The following PHACTR4 variants were observed in gnomAD, a reference collection of about 807,000 sequenced individuals.
PHACTR4 encodes phosphatase and actin regulator 4, also known as protein phosphatase 1, regulatory subunit 124.
Under a neutral mutation model 72.7 loss-of-function variants are expected in PHACTR4, and 51 were observed. The ratio of observed to expected loss-of-function variants is 0.70; its 90% CI spans 0.56 to 0.89. PHACTR4 has a LOEUF of 0.89. Among genes scored for constraint, PHACTR4 ranks in the 40% least tolerant of loss-of-function variants. PHACTR4 has a pLI of 0.00. For missense variants in PHACTR4, 731 were observed against 861.8 expected (o/e 0.85, Z 1.90); for synonymous variants, 255 against 302.5 (o/e 0.84, Z 1.63).
chr1:28,411,901 A>T (rs1654817743), intron 2 of PHACTR4, among the ~76,000 whole-genome samples: 1 of 152,012 alleles, frequency 6.6e-6, no homozygotes, highest in African/African-American at 2.4e-5. Flanking sequence ...ACGAATGAAC[A>T]AAAGAAAGAA....
chr1:28,478,108 A>T (rs1660038666), intron 8 of PHACTR4, among the ~76,000 whole-genome samples: 1 of 152,020 alleles, frequency 6.6e-6, no homozygotes, highest in African/African-American at 2.4e-5. Context: ...CCTCCATGAG[A>T]TCAACTTTTT....
chr1:28,444,849 G>A (rs184016393), intron 2 of PHACTR4, among the ~76,000 whole-genome samples: 11 of 148,520 alleles, frequency 7.4e-5, no homozygotes, highest in Non-Finnish European at 1.5e-4. Context: ...GGATGGTCTC[G>A]ATCTCCTGAC....
In PHACTR4 at chr1:28,441,155, T is replaced by C. The variant is rs149885177; in HGVS notation, c.17-17930T>C. ...GTCTTCTAGTTGAGAATTTAAAATA[T>C]GAAAAAGTATCCAAAATATTTGTAA... On this transcript the variant is annotated intron_variant, in intron 2 of 13. Transcript: ENST00000373839. 5.9e-3 allele frequency among the ~76,000 whole-genome samples: 903 copies of C among 152,248 alleles called. 9 individuals carry two copies. The highest frequency in any genetic ancestry group is 0.021 in the African/African-American group (859 of 41,568).
chr1:28,426,721 CT>C (rs34171573), intron 2 of PHACTR4, among the ~76,000 whole-genome samples: 300 of 142,234 alleles, frequency 2.1e-3, no homozygotes, highest in Middle Eastern at 3.6e-3. Flanking sequence ...TACTGGAAGA[CT>C]TTTTTTTTTT....
At chr1:28,380,958 A>T (rs1299112499) in intron 1 of PHACTR4, among the ~76,000 whole-genome samples, 1 of 151,820 alleles carries the variant, frequency 6.6e-6, no homozygotes, top group Non-Finnish European at 1.5e-5. Flanking sequence ...CCCACTGACA[A>T]TGTATAAGCA....
At chr1:28,448,961 G>A (rs937186416) in intron 2 of PHACTR4, among the ~76,000 whole-genome samples, 1 of 151,620 alleles carries the variant, frequency 6.6e-6, no homozygotes, top group African/African-American at 2.4e-5. Context: ...ACCAGCCTGG[G>A]CAACATAGCG....
intron 2 of PHACTR4, among the ~76,000 whole-genome samples, chr1:28,424,954 C>T (rs80045949): frequency 5.4e-4 from 82 of 151,706 alleles, no homozygotes; most frequent in African/African-American, 1.6e-3. Context: ...ACCACCACCC[C>T]GGCTAATTTT....
chr1:28,431,445 G>T (rs542400758), intron 2 of PHACTR4, among the ~76,000 whole-genome samples: 1 of 150,036 alleles, frequency 6.7e-6, no homozygotes, highest in Admixed American at 6.7e-5. Flanking sequence ...CACCTGCCTC[G>T]GCCTCCCAAA....
intron 2 of PHACTR4, among the ~76,000 whole-genome samples, chr1:28,450,240 A>C (rs547786252): frequency 6.6e-6 from 1 of 151,928 alleles, no homozygotes; most frequent in Non-Finnish European, 1.5e-5. Context: ...TTGTAAAACT[A>C]TACCCAGCAT....
chr1:28,407,544 G>GT (rs956525034), intron 2 of PHACTR4, 81 bp downstream of exon 2: 97 of 1,325,678 alleles, frequency 7.3e-5, no homozygotes, highest in Middle Eastern at 1.9e-4. Flanking sequence ...GAGTAAATTG[G>GT]TTTTTTTTCA....
At chr1:28,380,051 C>CTTTTTTTTTTTTT (rs1227241664) in intron 1 of PHACTR4, among the ~76,000 whole-genome samples, 1 of 117,294 alleles carries the variant, frequency 8.5e-6, no homozygotes, top group Non-Finnish European at 1.7e-5. Flanking sequence ...TTAAATGTAA[C>CTTTTTTTTTTTTT]TTTTTTTTTT....
chr1:28,418,943 T>G (rs1251698139), intron 2 of PHACTR4, among the ~76,000 whole-genome samples: 14 of 151,164 alleles, frequency 9.3e-5, no homozygotes, highest in African/African-American at 3.2e-4. Flanking sequence ...AGAGAGAGAC[T>G]CCATCTCAAA....
chr1:28,437,735 T>C (rs572174867), intron 2 of PHACTR4, among the ~76,000 whole-genome samples: 6 of 152,308 alleles, frequency 3.9e-5, no homozygotes, highest in African/African-American at 1.2e-4. Context: ...CTCAATGACC[T>C]AATTATCTCC....
At chr1:28,401,868 C>T (rs900982428) in intron 1 of PHACTR4, among the ~76,000 whole-genome samples, 14 of 152,200 alleles carry the variant, frequency 9.2e-5, no homozygotes, top group South Asian at 2.1e-4. Flanking sequence ...GAAAGTACTG[C>T]GATTATAGCC....
chr1:28,429,134 G>C (rs1269302604), intron 2 of PHACTR4, among the ~76,000 whole-genome samples: 2 of 152,182 alleles, frequency 1.3e-5, no homozygotes, highest in Non-Finnish European at 2.9e-5. Flanking sequence ...TTTGTGGTAA[G>C]TGGCATGAGT....
At chr1:28,478,220 A>G (rs1660044468) in intron 8 of PHACTR4, among the ~76,000 whole-genome samples, 1 of 152,198 alleles carries the variant, frequency 6.6e-6, no homozygotes, top group Non-Finnish European at 1.5e-5. Context: ...TTTGTTGCAC[A>G]TAACAGGATT....
rs1426377413 is a variant in PHACTR4, at chr1:28,498,282, T to G, written c.*1733T>G. 6.6e-6 allele frequency: 1 copy of G among 152,418 alleles called. No individual in the cohort carries two copies. The highest frequency in any genetic ancestry group is 1.5e-5 in the Non-Finnish European group (1 of 68,176). 9.4% of individuals were successfully genotyped at this position (152,418 alleles called of 1,614,324 possible). A position where few individuals can be genotyped will look rare whatever the true frequency, so the allele number is the denominator to read the frequency against. On this transcript the variant is annotated 3_prime_UTR_variant, in exon 14 of 14. Transcript: ENST00000373839. ...CAAGAAGGGCACAATCATGGCCCAC[T>G]GCTCCCCTCTTCTTCTCAGTGCTCT...
chr1:28,464,928 T>C (rs1184087103), intron 4 of PHACTR4, among the ~76,000 whole-genome samples: 1 of 152,052 alleles, frequency 6.6e-6, no homozygotes, highest in Non-Finnish European at 1.5e-5. Flanking sequence ...GGTCTCGAAC[T>C]CTTGACCTCA....
intron 1 of PHACTR4, among the ~76,000 whole-genome samples, chr1:28,398,452 G>A (rs1427086443): frequency 6.6e-6 from 1 of 152,092 alleles, no homozygotes; most frequent in Non-Finnish European, 1.5e-5. Context: ...CCCCACAGGC[G>A]GAGGGTTGCA....
Sources: allele counts gnomAD v4.1 joint callset (sites outside exome capture counted in the v4.1 genomes callset), GRCh38; gene constraint gnomAD v4.1.1; transcripts MANE v1.5; gene names NCBI Gene and HGNC (gene_info 2026-07-23, HGNC 2026-07-21).